SIK3: variants seen among roughly 807,000 people sequenced by gnomAD.
SIK3 encodes SIK family kinase 3, also known as serine/threonine-protein kinase SIK3.
A neutral mutation model predicts 144.2 loss-of-function variants in SIK3; 28 were observed. The ratio of observed to expected loss-of-function variants is 0.19; its 90% CI spans 0.14 to 0.27. The LOEUF (loss-of-function observed/expected upper bound fraction) is 0.27. Ranked by LOEUF, SIK3 falls within the 10% of genes least tolerant of loss-of-function variation. The pLI is 1.00. For synonymous variants in SIK3, 686 were observed against 676.3 expected (o/e 1.01, Z -0.22); for missense variants, 1,319 against 1,776.0 (o/e 0.74, Z 4.62).
At chr11:117,073,832 T>C (rs1470886769) in intron 1 of SIK3, among the ~76,000 whole-genome samples, 2 of 152,220 alleles carry the variant, frequency 1.3e-5, no homozygotes, top group African/African-American at 4.8e-5. Flanking sequence ...ATTACAGTTA[T>C]CTCCTTACCA....
At chr11:116,994,531 T>C (rs566817050) in intron 1 of SIK3, among the ~76,000 whole-genome samples, 238 of 152,290 alleles carry the variant, frequency 1.6e-3, no homozygotes, top group African/African-American at 5.2e-3. Flanking sequence ...CACAGGGCAG[T>C]TGCCAGGTTT....
At chr11:116,869,217 G>A (rs1001332340) in intron 14 of SIK3, 1 of 152,044 alleles carries the variant, frequency 6.6e-6, no homozygotes, top group African/African-American at 2.4e-5. Flanking sequence ...TCCTTCTATT[G>A]GCCAAGCTGT....
chr11:116,925,256 AAAAC>A (rs1280304301), intron 4 of SIK3, among the ~76,000 whole-genome samples: 2 of 152,178 alleles, frequency 1.3e-5, no homozygotes, highest in Non-Finnish European at 2.9e-5. Flanking sequence ...CTCGAAAACA[AAAAC>A]AAAAAAAGGT....
chr11:116,946,758 C>A, intron 3 of SIK3, among the ~76,000 whole-genome samples: 1 of 152,170 alleles, frequency 6.6e-6, no homozygotes, highest in East Asian at 1.9e-4. Flanking sequence ...CAATGCTTCT[C>A]AAAATAGCAC....
chr11:116,977,821 G>T (rs185811146), intron 1 of SIK3, among the ~76,000 whole-genome samples: 1 of 152,002 alleles, frequency 6.6e-6, no homozygotes, highest in Non-Finnish European at 1.5e-5. Flanking sequence ...TCCTAGGCAC[G>T]CTCTCTATTT....
At chr11:116,991,615 C>A (rs1950503724) in intron 1 of SIK3, among the ~76,000 whole-genome samples, 1 of 152,316 alleles carries the variant, frequency 6.6e-6, no homozygotes, top group South Asian at 2.1e-4. Flanking sequence ...GAGATACTCT[C>A]AAAATACTGA....
chr11:117,027,603 C>T (rs1952070784), intron 1 of SIK3, among the ~76,000 whole-genome samples: 1 of 152,050 alleles, frequency 6.6e-6, no homozygotes, highest in Non-Finnish European at 1.5e-5. Context: ...GCTGGGATTA[C>T]ACGCGCCCGC....
intron 1 of SIK3, among the ~76,000 whole-genome samples, chr11:116,998,334 G>A (rs948867696): frequency 6.6e-6 from 1 of 151,988 alleles, no homozygotes; most frequent in African/African-American, 2.4e-5. Context: ...AGCCAGGCAT[G>A]GTGGCGCACG....
intron 18 of SIK3, 119 bp from the exon 19 acceptor site, chr11:116,861,502 T>C: frequency 1.4e-6 from 1 of 734,510 alleles, no homozygotes; most frequent in South Asian, 1.9e-5. Context: ...ATAAGCCTCA[T>C]GTTAGAAAAA....
intron 1 of SIK3, among the ~76,000 whole-genome samples, chr11:116,998,975 TTAAGA>T (rs1388020935): frequency 6.6e-6 from 1 of 152,326 alleles, no homozygotes; most frequent in East Asian, 1.9e-4. Flanking sequence ...TTTGAGTAAG[TTAAGA>T]TAAAACTGAC....
chr11:117,088,539 A>G (rs1044515903), intron 1 of SIK3, among the ~76,000 whole-genome samples: 36 of 152,306 alleles, frequency 2.4e-4, no homozygotes, highest in African/African-American at 8.4e-4. Flanking sequence ...TACTCAATGA[A>G]TATCTGCAGA....
intron 1 of SIK3, among the ~76,000 whole-genome samples, chr11:116,967,114 A>G (rs1949585951): frequency 6.6e-6 from 1 of 152,230 alleles, no homozygotes; most frequent in Non-Finnish European, 1.5e-5. Context: ...CAAGGTTGTC[A>G]GAAGACAAAA....
chr11:116,965,902 G>A (rs1194809012), intron 1 of SIK3, among the ~76,000 whole-genome samples: 1 of 149,010 alleles, frequency 6.7e-6, no homozygotes, highest in East Asian at 2.0e-4. Context: ...ACCACTACAT[G>A]CCAGCCTGGG....
At chr11:116,879,446 A>G (rs1944439330) in intron 6 of SIK3, among the ~76,000 whole-genome samples, 1 of 152,238 alleles carries the variant, frequency 6.6e-6, no homozygotes, top group African/African-American at 2.4e-5. Flanking sequence ...CAACATGGCA[A>G]AGAAATGGTA....
At chr11:116,904,569 T>A (rs1945924122) in intron 4 of SIK3, among the ~76,000 whole-genome samples, 1 of 152,084 alleles carries the variant, frequency 6.6e-6, no homozygotes, top group Admixed American at 6.5e-5. Context: ...CATGACACAC[T>A]CTCCATGCTC....
intron 1 of SIK3, among the ~76,000 whole-genome samples, chr11:117,056,540 G>GAT (rs1166583379): frequency 2.5e-4 from 4 of 15,966 alleles, no homozygotes; most frequent in Non-Finnish European, 4.3e-4. Context: ...TATATAGATA[G>GAT]ATATAGATAT....
At chr11:117,094,557 C>G (rs1955386220) in intron 1 of SIK3, among the ~76,000 whole-genome samples, 1 of 152,080 alleles carries the variant, frequency 6.6e-6, no homozygotes, top group Non-Finnish European at 1.5e-5. Flanking sequence ...ACAGTGAACT[C>G]TGGCAGTGTC....
chr11:116,928,516 T>A (rs958544353), intron 3 of SIK3, among the ~76,000 whole-genome samples: 1 of 152,206 alleles, frequency 6.6e-6, no homozygotes, highest in Non-Finnish European at 1.5e-5. Context: ...AATACACAAT[T>A]GTTTTGGTGA....
intron 4 of SIK3, among the ~76,000 whole-genome samples, chr11:116,925,594 T>C (rs1162608099): frequency 1.3e-5 from 2 of 152,248 alleles, no homozygotes; most frequent in Non-Finnish European, 2.9e-5. Flanking sequence ...TTCCAAGTCA[T>C]TAAGTTTGTG....
Sources: gnomAD v4.1 joint callset for allele counts (sites outside exome capture counted in the v4.1 genomes callset) on GRCh38, gnomAD v4.1.1 for gene constraint, MANE v1.5 for transcripts, NCBI Gene and HGNC (gene_info 2026-07-23, HGNC 2026-07-21) for gene names.